ARHGEF4: variants seen among roughly 807,000 people sequenced by gnomAD.
ARHGEF4 encodes APC-stimulated guanine nucleotide exchange factor 1.
A neutral mutation model predicts 162.0 loss-of-function variants in ARHGEF4; 119 were observed. That is an observed-to-expected ratio of 0.73 (90% CI 0.63 to 0.86). The LOEUF is 0.86. Ranked by LOEUF, ARHGEF4 falls within the 40% of genes least tolerant of loss-of-function variation. The pLI is 0.00. For synonymous variants in ARHGEF4, 1,014 were observed against 979.9 expected (o/e 1.03, Z -0.65); for missense variants, 2,488 against 2,456.0 (o/e 1.01, Z -0.28).
At chr2:130,874,114 T>TA (rs1203316857) in intron 1 of ARHGEF4, among the ~76,000 whole-genome samples, 1 of 152,158 alleles carries the variant, frequency 6.6e-6, no homozygotes, top group Non-Finnish European at 1.5e-5. Flanking sequence ...ACGAGCAGCT[T>TA]ACCAACTGTT....
At chr2:131,008,165 C>T (rs2105326816) in intron 4 of ARHGEF4, among the ~76,000 whole-genome samples, 1 of 152,074 alleles carries the variant, frequency 6.6e-6, no homozygotes, top group Admixed American at 6.5e-5. Context: ...ATAAATGTAC[C>T]TTAATTTATT....
chr2:130,917,624 A>G, intron 2 of ARHGEF4, 126 bp downstream of exon 2: 1 of 1,240,556 alleles, frequency 8.1e-7, no homozygotes, highest in Non-Finnish European at 1.1e-6. Context: ...CCCCCGTTAC[A>G]CTCCCAGCCG....
chr2:130,983,422 TAACCTTCCATGCCA>T (rs1686257202), intron 4 of ARHGEF4, among the ~76,000 whole-genome samples: 1 of 152,218 alleles, frequency 6.6e-6, no homozygotes, highest in Non-Finnish European at 1.5e-5. Context: ...TATAGTTTTA[TAACCTTCCATGCCA>T]AACCCTGACA....
intron 1 of ARHGEF4, among the ~76,000 whole-genome samples, chr2:130,907,171 G>T (rs1680865064): frequency 6.6e-6 from 1 of 150,446 alleles, no homozygotes; most frequent in African/African-American, 2.4e-5. Flanking sequence ...ATGCACTTAT[G>T]GTCCTTCCAA....
intron 4 of ARHGEF4, among the ~76,000 whole-genome samples, chr2:131,000,538 G>A (rs1477908401): frequency 1.3e-5 from 2 of 152,142 alleles, no homozygotes; most frequent in South Asian, 2.1e-4. Flanking sequence ...ATGGCCTTCT[G>A]TACAAAACCA....
intron 4 of ARHGEF4, among the ~76,000 whole-genome samples, chr2:130,988,893 T>TAGAGAGAGAGAG (rs1304546250): frequency 8.8e-6 from 1 of 113,260 alleles, no homozygotes; most frequent in Non-Finnish European, 1.8e-5. Context: ...TATATATATA[T>TAGAGAGAGAGAG]ATATATATAG....
chr2:131,035,218 G>A (rs967305317), intron 5 of ARHGEF4: 1 of 1,225,160 alleles, frequency 8.2e-7, no homozygotes, highest in African/African-American at 1.6e-5. Flanking sequence ...GGCGCTCCTG[G>A]TTCTCATCAA....
intron 4 of ARHGEF4, among the ~76,000 whole-genome samples, chr2:130,948,295 T>C (rs1683744384): frequency 6.6e-6 from 1 of 152,230 alleles, no homozygotes; most frequent in South Asian, 2.1e-4. Flanking sequence ...GTATTTAGGC[T>C]GCACTGTGAA....
intron 1 of ARHGEF4, among the ~76,000 whole-genome samples, 170 bp downstream of exon 1, chr2:130,837,162 A>G (rs1207692537): frequency 6.6e-6 from 1 of 151,874 alleles, no homozygotes; most frequent in Non-Finnish European, 1.5e-5. Context: ...TGCAGACCGG[A>G]GGCGGCGTCC....
In ARHGEF4 at chr2:130,888,947, A is replaced by G. The variant is rs1053059619; in HGVS notation, c.40-25039A>G. Reference sequence around the variant, plus strand: ...GAAACCCCGTCTCTACTAAAAATACAAAAAAAAATTAGCCGGGCATGGTGG... The same window carrying G: ...GAAACCCCGTCTCTACTAAAAATACGAAAAAAAATTAGCCGGGCATGGTGG... On this transcript the variant is annotated intron_variant, in intron 1 of 13. Coordinates refer to ENST00000409359, the MANE Select transcript of ARHGEF4 (RefSeq NM_001367493.1). Among the ~76,000 whole-genome samples, 3 of 150,980 alleles carry G rather than the reference A, an allele frequency of 2.0e-5. No individual in the cohort carries two copies. In the South Asian group the frequency reaches 6.3e-4, roughly 32 times the overall value.
chr2:130,843,745 C>G (rs1384720696), intron 1 of ARHGEF4, among the ~76,000 whole-genome samples: 1 of 152,236 alleles, frequency 6.6e-6, no homozygotes, highest in African/African-American at 2.4e-5. Context: ...GTTGTTCTCT[C>G]CCTCTGGGCT....
chr2:130,959,947 C>T (rs1684533928), intron 4 of ARHGEF4, among the ~76,000 whole-genome samples: 2 of 152,140 alleles, frequency 1.3e-5, no homozygotes, highest in Non-Finnish European at 2.9e-5. Flanking sequence ...TTTCATTGAC[C>T]ACCTTCACAT....
intron 1 of ARHGEF4, among the ~76,000 whole-genome samples, chr2:130,892,901 C>G (rs1290767788): frequency 2.0e-5 from 3 of 152,224 alleles, no homozygotes; most frequent in African/African-American, 7.2e-5. Context: ...GCTTCCCTGT[C>G]CCCACCTTCT....
chr2:131,046,237 C>G lies in ARHGEF4; in HGVS notation c.*48C>G, dbSNP rs1691251054. The G allele has an allele frequency of 3.8e-6, 6 of 1,562,262 alleles. No homozygotes were observed. The highest frequency in any genetic ancestry group is 1.7e-4 in the Middle Eastern group (1 of 5,936). On this transcript the variant is annotated 3_prime_UTR_variant, in exon 14 of 14. Transcript: ENST00000409359. ...CTGCTGGGCCTTCCTGCCAGTGGCC[C>G]CCAGTTTTTCTTCCCCGAGGCCCAC...
chr2:130,851,557 A>G (rs1239788331), intron 1 of ARHGEF4, among the ~76,000 whole-genome samples: 2 of 152,308 alleles, frequency 1.3e-5, no homozygotes, highest in Middle Eastern at 3.4e-3. Context: ...GCGGCTGCAC[A>G]TGGTCTCTAT....
At chr2:131,036,605 C>A (rs1488075719) in intron 5 of ARHGEF4, among the ~76,000 whole-genome samples, 1 of 152,224 alleles carries the variant, frequency 6.6e-6, no homozygotes, top group Non-Finnish European at 1.5e-5. Context: ...CCCAGTCCCA[C>A]CTGCAGGGAC....
At chr2:130,919,278 C>T (rs535216442) in intron 2 of ARHGEF4, among the ~76,000 whole-genome samples, 2 of 152,226 alleles carry the variant, frequency 1.3e-5, no homozygotes, top group East Asian at 3.9e-4. Flanking sequence ...CCTTAGATAT[C>T]GATGCTTTTA....
intron 4 of ARHGEF4, among the ~76,000 whole-genome samples, chr2:130,960,767 C>A (rs536740138): frequency 2.4e-4 from 36 of 152,196 alleles, no homozygotes; most frequent in African/African-American, 7.9e-4. Flanking sequence ...CCCCAGAGAT[C>A]CCCAGCACCT....
At chr2:131,040,951 C>T (rs1442181478) in intron 8 of ARHGEF4, among the ~76,000 whole-genome samples, 1 of 152,184 alleles carries the variant, frequency 6.6e-6, no homozygotes, top group Non-Finnish European at 1.5e-5. Flanking sequence ...CTACCACCGC[C>T]GCTTTTGGCA....
Sources: gnomAD v4.1 joint callset for allele counts (sites outside exome capture counted in the v4.1 genomes callset) on GRCh38, gnomAD v4.1.1 for gene constraint, MANE v1.5 for transcripts, NCBI Gene and HGNC (gene_info 2026-07-23, HGNC 2026-07-21) for gene names.